POLK: variants seen among roughly 807,000 people sequenced by gnomAD.
The protein encoded by POLK is DNA polymerase kappa.
Under a neutral mutation model 94.0 loss-of-function variants are expected in POLK, and 76 were observed. The ratio of observed to expected loss-of-function variants is 0.81; its 90% CI spans 0.67 to 0.98. The LOEUF is 0.98. Ranked by LOEUF, POLK falls within the 50% of genes least tolerant of loss-of-function variation. The probability of loss-of-function intolerance (pLI) is 0.00; values close to 1 mark genes in which losing one functional copy is unlikely to be tolerated. For missense variants in POLK, 954 were observed against 1,010.1 expected (o/e 0.94, Z 0.75); for synonymous variants, 349 against 325.4 (o/e 1.07, Z -0.78).
At chr5:75,551,410 TA>T (rs1045514665) in intron 2 of POLK, among the ~76,000 whole-genome samples, 8 of 146,780 alleles carry the variant, frequency 5.5e-5, no homozygotes, top group African/African-American at 1.0e-4. Context: ...CCCAACCTCT[TA>T]AAAAAAAAAG....
Position 75,547,106 on chromosome 5 carries a change from G to T in POLK, c.84G>T (p.Met28Ile), listed in dbSNP as rs768014953. 3.3e-6 allele frequency: 5 copies of T among 1,538,280 alleles called. No individual in the cohort carries two copies. The East Asian group carries it at 1.2e-4, about 36-fold the overall frequency. ...GACTTAATGATAATAAAGCAGGAATGGAAGGATTAGATAAAGAGAAAATTA... is the reference window on the plus strand; with the variant it reads ...GACTTAATGATAATAAAGCAGGAATTGAAGGATTAGATAAAGAGAAAATTA... Residue 28 changes from methionine (M) to isoleucine (I), a missense_variant, in exon 2 of 15, where the codon ATG becomes ATT. Coordinates refer to ENST00000241436, the Ensembl canonical transcript of POLK.
chr5:75,541,471 A>G (rs913688105), intron 1 of POLK, among the ~76,000 whole-genome samples: 2 of 152,202 alleles, frequency 1.3e-5, no homozygotes, highest in African/African-American at 4.8e-5. Context: ...GAAGTAGAGT[A>G]TAGATTTTTA....
At chr5:75,607,158 G>A in the POLK span, among the ~76,000 whole-genome samples, 1 of 152,080 alleles carries the variant, frequency 6.6e-6, no homozygotes, top group Non-Finnish European at 1.5e-5. Context: ...ACTGAGTTTT[G>A]ACTAATGGGA....
chr5:75,511,660 C>T, upstream of POLK: 5 of 1,516,544 alleles, frequency 3.3e-6, no homozygotes, highest in South Asian at 3.8e-5. Context: ...TTCCCCTCCC[C>T]TTCGTCCTCC....
At chr5:75,538,153 G>T (rs972344796) in intron 1 of POLK, among the ~76,000 whole-genome samples, 2 of 152,202 alleles carry the variant, frequency 1.3e-5, no homozygotes, top group Non-Finnish European at 2.9e-5. Context: ...ACCAGGCCCA[G>T]CCTCAAATTT....
chr5:75,533,584 T>C (rs1343343490), intron 1 of POLK, among the ~76,000 whole-genome samples: 3 of 152,208 alleles, frequency 2.0e-5, no homozygotes, highest in African/African-American at 7.2e-5. Context: ...TTTGGTTTCA[T>C]AGGAAATTTA....
chr5:75,533,424 A>C (rs902102629), intron 1 of POLK, among the ~76,000 whole-genome samples: 1 of 152,038 alleles, frequency 6.6e-6, no homozygotes, highest in Non-Finnish European at 1.5e-5. Flanking sequence ...TCAGTTCTCT[A>C]TTCTGTTCCA....
chr5:75,511,049 C>G, upstream of POLK: 1 of 1,463,560 alleles, frequency 6.8e-7, no homozygotes, highest in Non-Finnish European at 9.0e-7. Flanking sequence ...CCCACCGCCT[C>G]AGCGGATTGC....
chr5:75,583,940 C>G (rs1309974894), intron 8 of POLK, among the ~76,000 whole-genome samples: 3 of 152,100 alleles, frequency 2.0e-5, no homozygotes, highest in Non-Finnish European at 4.4e-5. Flanking sequence ...AGTAATTGCA[C>G]TATGCACTAC....
chr5:75,579,533 T>A (rs1433228836), intron 6 of POLK, among the ~76,000 whole-genome samples: 1 of 151,606 alleles, frequency 6.6e-6, no homozygotes, highest in Non-Finnish European at 1.5e-5. Context: ...CATTTTTGTA[T>A]TTTTAGTAGA....
Position 75,583,279 on chromosome 5 carries a change from ATTC to A in POLK, c.935-8_935-6del, listed in dbSNP as rs773716051. The A allele has an allele frequency of 1.8e-5, 28 of 1,574,628 alleles. No individual in the cohort carries two copies. Among genetic ancestry groups the A allele is most frequent in the East Asian group, 2.3e-5 (1 of 43,358 alleles). On this transcript the variant is annotated splice_polypyrimidine_tract_variant and intron_variant, in intron 7 of 14. Transcript: ENST00000241436. ...ATCAACTTCTTTGAGTCATCAGAGT[ATTC>A]TTCTTTTAAGGCATTGCCCCAAATA... is the stretch of plus-strand genomic sequence containing the variant.
At chr5:75,591,968 G>A (rs1772812007) in intron 11 of POLK, among the ~76,000 whole-genome samples, 1 of 152,196 alleles carries the variant, frequency 6.6e-6, no homozygotes, top group African/African-American at 2.4e-5. Context: ...CTTCTCCACT[G>A]TGAAGTTAGT....
chr5:75,556,726 T>A (rs1014199608), intron 3 of POLK, among the ~76,000 whole-genome samples: 1 of 151,916 alleles, frequency 6.6e-6, no homozygotes, highest in East Asian at 1.9e-4. Context: ...TTTTTTTTTT[T>A]TAACATGAGG....
downstream of POLK, among the ~76,000 whole-genome samples, chr5:75,604,489 C>T (rs973394771): frequency 2.6e-5 from 4 of 152,170 alleles, no homozygotes; most frequent in African/African-American, 4.8e-5. Flanking sequence ...ATCCTCTCAT[C>T]GCAGCTTCCC....
intron 12 of POLK, among the ~76,000 whole-genome samples, chr5:75,595,549 T>TA (rs5744711): frequency 0.056 from 8,463 of 152,080 alleles, 730 homozygotes; most frequent in African/African-American, 0.19. Context: ...ATGAGTACCA[T>TA]AAAAAATAAT....
chr5:75,526,577 T>TTTTTTTTTTTTC (rs1768859293), intron 1 of POLK, among the ~76,000 whole-genome samples: 2 of 150,310 alleles, frequency 1.3e-5, no homozygotes, highest in African/African-American at 2.4e-5. Context: ...TTTTTTTGTT[T>TTTTTTTTTTTTC]TTTTTTTTTT....
chr5:75,602,382 A>G (rs1257142405), downstream of POLK, among the ~76,000 whole-genome samples: 2 of 152,222 alleles, frequency 1.3e-5, no homozygotes, highest in Admixed American at 6.5e-5. Context: ...CAGGCATACT[A>G]GAACACTATT....
At chr5:75,557,964 T>C (rs1170604596) in intron 3 of POLK, among the ~76,000 whole-genome samples, 1 of 152,114 alleles carries the variant, frequency 6.6e-6, no homozygotes, top group East Asian at 1.9e-4. Context: ...AGTTTTTGTA[T>C]TTTTAGTTGA....
exon 15 of POLK, chr5:75,599,384 A>G (rs1773238999): frequency 6.6e-6 from 1 of 152,080 alleles, no homozygotes; most frequent in African/African-American, 2.4e-5. Context: ...TGATCTAAAT[A>G]TATATTTTGT....
Sources: allele counts gnomAD v4.1 joint callset (sites outside exome capture counted in the v4.1 genomes callset), GRCh38; gene constraint gnomAD v4.1.1; transcripts MANE v1.5; gene names NCBI Gene and HGNC (gene_info 2026-07-23, HGNC 2026-07-21).